ADGRL3: variants seen among roughly 807,000 people sequenced by gnomAD.
ADGRL3 encodes the protein calcium-independent alpha-latrotoxin receptor 3.
A neutral mutation model predicts 153.5 loss-of-function variants in ADGRL3; 62 were observed. That is an observed-to-expected ratio of 0.40 (90% confidence interval 0.33 to 0.50). The LOEUF is 0.50. Ranked by LOEUF, ADGRL3 falls within the 20% of genes least tolerant of loss-of-function variation. The pLI is 0.47. For synonymous variants in ADGRL3, 710 were observed against 672.5 expected, an observed-to-expected ratio of 1.06 and a Z score of -0.86; for missense variants, 1,641 against 1,859.4, an observed-to-expected ratio of 0.88 and a Z score of 2.16.
At chr4:61,237,211 G>C (rs986881115) in intron 1 of ADGRL3, among the ~76,000 whole-genome samples, 3 of 152,122 alleles carry the variant, frequency 2.0e-5, no homozygotes, top group Admixed American at 6.6e-5. Context: ...TATATTCATG[G>C]TGGCTGCAGG....
At chr4:61,620,165 G>A (rs755842920) in intron 5 of ADGRL3, among the ~76,000 whole-genome samples, 14 of 151,882 alleles carry the variant, frequency 9.2e-5, no homozygotes, top group Non-Finnish European at 1.6e-4. Flanking sequence ...AAATATAACA[G>A]ATTAAACTCA....
chr4:61,630,464 A>G (rs1490294180), intron 5 of ADGRL3, among the ~76,000 whole-genome samples: 1 of 152,250 alleles, frequency 6.6e-6, no homozygotes, highest in Non-Finnish European at 1.5e-5. Context: ...CTGTAAAGAT[A>G]TCAAGGAGTC....
intron 8 of ADGRL3, among the ~76,000 whole-genome samples, chr4:61,746,615 C>T (rs2096665133): frequency 6.6e-6 from 1 of 152,212 alleles, no homozygotes; most frequent in Admixed American, 6.5e-5. Flanking sequence ...CTACTGGGTA[C>T]ATAACGAAAT....
rs1561368127 is a variant in ADGRL3, at chr4:61,856,984, CTTTCTTTCTTTCTTTCTTTCTT to C, written c.1481-35670_1481-35649del. 5.2e-4 allele frequency among the ~76,000 whole-genome samples: 60 copies of C among 115,630 alleles called. 1 individual carries two copies. Among genetic ancestry groups the C allele is most frequent in the African/African-American group, 1.6e-3 (50 of 31,202 alleles). The allele number at this position is 115,630 out of a possible 152,430, so 75.9% of individuals were successfully genotyped here. On this transcript the variant is annotated intron_variant, in intron 9 of 26. Coordinates refer to ENST00000683033, the MANE Select transcript of ADGRL3 (RefSeq NM_001387552.1). ...TCTTTCTTTCTTTCTTTCTTTCTTT[CTTTCTTTCTTTCTTTCTTTCTT>C]TCTTTCTTTCCTTCCTCCCTTCCTT... is the stretch of plus-strand genomic sequence containing the variant.
intron 5 of ADGRL3, among the ~76,000 whole-genome samples, chr4:61,652,932 G>A (rs1460266187): frequency 6.6e-6 from 1 of 152,098 alleles, no homozygotes; most frequent in Non-Finnish European, 1.5e-5. Flanking sequence ...AATCCATGCT[G>A]CTATGCACTG....
chr4:61,936,918 A>C (rs78866405), intron 15 of ADGRL3, among the ~76,000 whole-genome samples: 1 of 152,232 alleles, frequency 6.6e-6, no homozygotes, highest in East Asian at 1.9e-4. Flanking sequence ...AATATTTCAT[A>C]TTGCAGGGTG....
intron 9 of ADGRL3, among the ~76,000 whole-genome samples, chr4:61,834,152 C>A (rs1166557054): frequency 1.4e-5 from 2 of 147,048 alleles, no homozygotes; most frequent in Non-Finnish European, 3.0e-5. Context: ...TGATGTTCAC[C>A]TTCCTGTGTC....
chr4:62,000,585 T>G (rs1245264403), intron 21 of ADGRL3, among the ~76,000 whole-genome samples: 1 of 152,148 alleles, frequency 6.6e-6, no homozygotes, highest in Non-Finnish European at 1.5e-5. Flanking sequence ...GTTATATTCT[T>G]TGGAAAGTAT....
chr4:61,809,061 A>G (rs1389696425), intron 8 of ADGRL3, among the ~76,000 whole-genome samples: 1 of 152,120 alleles, frequency 6.6e-6, no homozygotes, highest in Admixed American at 6.6e-5. Flanking sequence ...CTAGAGTAAA[A>G]TAATCATGAT....
chr4:61,297,961 A>G (rs1045662878), intron 1 of ADGRL3, among the ~76,000 whole-genome samples: 1 of 152,068 alleles, frequency 6.6e-6, no homozygotes, highest in African/African-American at 2.4e-5. Context: ...ATTTTATTTT[A>G]TGTTTCCATC....
chr4:61,659,536 T>C (rs1425022981), intron 5 of ADGRL3, among the ~76,000 whole-genome samples: 1 of 152,140 alleles, frequency 6.6e-6, no homozygotes, highest in Non-Finnish European at 1.5e-5. Flanking sequence ...ACAGGTCTTA[T>C]GATACAAAAG....
intron 3 of ADGRL3, among the ~76,000 whole-genome samples, chr4:61,509,737 T>C (rs1370317145): frequency 6.6e-6 from 1 of 152,168 alleles, no homozygotes; most frequent in Non-Finnish European, 1.5e-5. Context: ...TACAAATGCA[T>C]ATGTCTTTTT....
intron 15 of ADGRL3, among the ~76,000 whole-genome samples, chr4:61,946,192 G>T (rs896696834): frequency 6.6e-6 from 1 of 152,088 alleles, no homozygotes; most frequent in African/African-American, 2.4e-5. Context: ...AGAAGCGTAC[G>T]AGAGTTCCAT....
intron 17 of ADGRL3, among the ~76,000 whole-genome samples, chr4:61,966,303 A>G (rs2099006482): frequency 6.6e-6 from 1 of 152,168 alleles, no homozygotes; most frequent in African/African-American, 2.4e-5. Context: ...AGTGTCTATT[A>G]TATGGTTTTT....
intron 21 of ADGRL3, among the ~76,000 whole-genome samples, chr4:62,014,808 G>A (rs2151298940): frequency 6.6e-6 from 1 of 152,214 alleles, no homozygotes; most frequent in Admixed American, 6.5e-5. Flanking sequence ...AAAGGTTAGT[G>A]GATTACACAA....
At chr4:61,402,304 A>G (rs1351952313) in intron 2 of ADGRL3, among the ~76,000 whole-genome samples, 3 of 152,146 alleles carry the variant, frequency 2.0e-5, no homozygotes, top group Non-Finnish European at 4.4e-5. Flanking sequence ...GAGAAAAGTT[A>G]GTGCTTAAAT....
intron 4 of ADGRL3, among the ~76,000 whole-genome samples, chr4:61,562,909 C>T (rs942028697): frequency 1.4e-5 from 2 of 145,334 alleles, no homozygotes; most frequent in African/African-American, 2.6e-5. Context: ...TGCACCATTG[C>T]ACTCCAGCCT....
intron 5 of ADGRL3, among the ~76,000 whole-genome samples, chr4:61,589,164 G>T (rs189942746): frequency 6.6e-6 from 1 of 151,976 alleles, no homozygotes; most frequent in East Asian, 1.9e-4. Context: ...TTTAAGCACC[G>T]TTAGTAAATC....
At chr4:61,930,630 A>T (rs932536542) in intron 13 of ADGRL3, among the ~76,000 whole-genome samples, 4 of 152,170 alleles carry the variant, frequency 2.6e-5, no homozygotes, top group South Asian at 2.1e-4. Flanking sequence ...CTAAGGTCTG[A>T]ATTTAATGAT....
Sources: gnomAD v4.1 joint callset for allele counts (sites outside exome capture counted in the v4.1 genomes callset) on GRCh38, gnomAD v4.1.1 for gene constraint, MANE v1.5 for transcripts, NCBI Gene and HGNC (gene_info 2026-07-23, HGNC 2026-07-21) for gene names.